The following MAPKAP1 variants were observed in gnomAD, a reference collection of about 807,000 sequenced individuals.
MAPKAP1 encodes target of rapamycin complex 2 subunit MAPKAP1.
A neutral mutation model predicts 65.7 loss-of-function variants in MAPKAP1; 20 were observed. The ratio of observed to expected loss-of-function variants is 0.30; its 90% confidence interval spans 0.21 to 0.44. The LOEUF is 0.44. MAPKAP1 is among the 20% of genes least tolerant of loss of function. The pLI, the probability that MAPKAP1 is intolerant of heterozygous loss-of-function variation, is 1.00. For missense variants in MAPKAP1, 423 were observed against 648.0 expected, an observed-to-expected ratio of 0.65 and a Z score of 3.77; for synonymous variants, 222 against 244.3, an observed-to-expected ratio of 0.91 and a Z score of 0.85.
At chr9:125,646,896 CA>C (rs1463505637) in intron 4 of MAPKAP1, among the ~76,000 whole-genome samples, 2 of 152,184 alleles carry the variant, frequency 1.3e-5, no homozygotes, top group Admixed American at 1.3e-4. Context: ...TATTTTAATT[CA>C]ATCTGGCCCT....
At chr9:125,486,560 G>A (rs1854505453) in intron 8 of MAPKAP1, among the ~76,000 whole-genome samples, 1 of 152,172 alleles carries the variant, frequency 6.6e-6, no homozygotes, top group Non-Finnish European at 1.5e-5. Context: ...TACTGCTTAC[G>A]GGGCAAGTAT....
chr9:125,560,856 C>T (rs972718258), intron 5 of MAPKAP1, among the ~76,000 whole-genome samples: 1 of 152,184 alleles, frequency 6.6e-6, no homozygotes, highest in Non-Finnish European at 1.5e-5. Context: ...TGCAGTCTTG[C>T]CCAGTTTAGA....
chr9:125,679,451 G>C (rs1035216952), intron 1 of MAPKAP1, among the ~76,000 whole-genome samples: 1 of 152,086 alleles, frequency 6.6e-6, no homozygotes, highest in Non-Finnish European at 1.5e-5. Flanking sequence ...AACAGTGCTT[G>C]TACAACAGCA....
intron 4 of MAPKAP1, among the ~76,000 whole-genome samples, chr9:125,652,479 C>A (rs917394968): frequency 6.6e-6 from 1 of 152,136 alleles, no homozygotes; most frequent in South Asian, 2.1e-4. Context: ...GCAATTAGCA[C>A]TCATGAATTA....
chr9:125,548,656 T>C (rs1313622302), intron 6 of MAPKAP1, among the ~76,000 whole-genome samples: 2 of 152,176 alleles, frequency 1.3e-5, no homozygotes, highest in African/African-American at 4.8e-5. Flanking sequence ...ATCTGTCATA[T>C]AATAAATGCT....
At chr9:125,538,426 G>C (rs112513022) in intron 7 of MAPKAP1, among the ~76,000 whole-genome samples, 2 of 152,194 alleles carry the variant, frequency 1.3e-5, no homozygotes, top group East Asian at 1.9e-4. Context: ...AAAAATTCAA[G>C]ACTGACAGCT....
chr9:125,455,087 T>C (rs1589204518), intron 10 of MAPKAP1, among the ~76,000 whole-genome samples: 1 of 152,062 alleles, frequency 6.6e-6, no homozygotes, highest in Non-Finnish European at 1.5e-5. Flanking sequence ...AACATAGACA[T>C]TTAAGTGCCT....
chr9:125,580,267 CAA>C (rs1264098573), intron 5 of MAPKAP1, among the ~76,000 whole-genome samples: 1 of 152,138 alleles, frequency 6.6e-6, no homozygotes, highest in Non-Finnish European at 1.5e-5. Flanking sequence ...TTCACAATAG[CAA>C]AGACTTGGAA....
intron 4 of MAPKAP1, chr9:125,652,228 C>T (rs866905278): frequency 7.7e-7 from 1 of 1,303,794 alleles, no homozygotes; most frequent in African/African-American, 1.5e-5. Flanking sequence ...AACATTTGTT[C>T]ATAATTATCC....
At position 125,545,597 on chromosome 9, in the gene MAPKAP1, T is replaced by G. The variant is rs551158780; in HGVS notation, c.849-2429A>C. On this transcript the variant is annotated intron_variant, in intron 6 of 11. Transcript: ENST00000265960. ...TCAGTCTGCTTAGAAACTGCTTACG[T>G]TCCCTCCTAATCTGCTGCCGGCTGA... 2.5e-3 allele frequency among the ~76,000 whole-genome samples: 381 copies of G among 152,130 alleles called. 2 individuals are homozygous for G. Among genetic ancestry groups the G allele is most frequent in the South Asian group, 5.6e-3 (27 of 4,794 alleles).
chr9:125,443,598 C>G (rs565687695), intron 11 of MAPKAP1, among the ~76,000 whole-genome samples: 1 of 152,252 alleles, frequency 6.6e-6, no homozygotes, highest in South Asian at 2.1e-4. Context: ...CCTCCCAAAT[C>G]CGCAAGACCC....
At chr9:125,701,975 GAAC>G (rs1275217767) in intron 1 of MAPKAP1, among the ~76,000 whole-genome samples, 3 of 152,172 alleles carry the variant, frequency 2.0e-5, no homozygotes, top group African/African-American at 7.2e-5. Flanking sequence ...TTCCTGCTCT[GAAC>G]AACAGGTACC....
At chr9:125,540,955 T>C (rs1830228140) in intron 7 of MAPKAP1, among the ~76,000 whole-genome samples, 1 of 152,234 alleles carries the variant, frequency 6.6e-6, no homozygotes, top group Admixed American at 6.5e-5. Context: ...CAAATATCTT[T>C]ACCAAACTGG....
intron 9 of MAPKAP1, chr9:125,471,369 G>A (rs554248445): frequency 1.1e-3 from 171 of 153,128 alleles, no homozygotes; most frequent in Non-Finnish European, 2.0e-3. Flanking sequence ...AGAGATCAGT[G>A]AGGAAGCAGG....
At chr9:125,498,370 G>A (rs1235396005) in intron 8 of MAPKAP1, among the ~76,000 whole-genome samples, 4 of 152,162 alleles carry the variant, frequency 2.6e-5, no homozygotes, top group African/African-American at 9.7e-5. Flanking sequence ...TAAAATTTTG[G>A]TCTTATCACT....
At chr9:125,543,854 G>C (rs1233446997) in intron 6 of MAPKAP1, among the ~76,000 whole-genome samples, 1 of 152,092 alleles carries the variant, frequency 6.6e-6, no homozygotes, top group Non-Finnish European at 1.5e-5. Context: ...AACTTGGCTT[G>C]TGTCAGTAGA....
chr9:125,697,819 AACCATCTT>A (rs979984962), intron 1 of MAPKAP1, among the ~76,000 whole-genome samples: 8 of 152,190 alleles, frequency 5.3e-5, no homozygotes, highest in East Asian at 1.9e-4. Context: ...CAATATGAGT[AACCATCTT>A]ACCATCTTAC....
intron 4 of MAPKAP1, among the ~76,000 whole-genome samples, chr9:125,640,399 G>A (rs1047222560): frequency 6.6e-6 from 1 of 151,718 alleles, no homozygotes. Flanking sequence ...CACCATGCCC[G>A]GCCACATTCT....
chr9:125,595,823 C>T lies in MAPKAP1; in HGVS notation c.499-10096G>A, dbSNP rs1832107863. On this transcript the variant is annotated intron_variant, in intron 4 of 11. Coordinates refer to ENST00000265960, the MANE Select transcript of MAPKAP1 (RefSeq NM_001006617.3). This position sits in a 1 kb window ranked among gnomAD's most constrained non-coding sequence, Gnocchi z 4.0. ...GGTAATGAAAGATTCCAACACCAAG[C>T]GTTCCGGGGGTTTTGGGTTTGTCAC... is the stretch of plus-strand genomic sequence containing the variant. 1.8e-5 allele frequency: 20 copies of T among 1,126,652 alleles called. No homozygotes were observed. The highest frequency in any genetic ancestry group is 2.4e-5 in the Non-Finnish European group (18 of 751,794). 69.8% of individuals were successfully genotyped at this position (1,126,652 alleles called of 1,614,324 possible).
Sources: gnomAD v4.1 joint callset for allele counts (sites outside exome capture counted in the v4.1 genomes callset) on GRCh38, gnomAD v4.1.1 for gene constraint, Gnocchi (gnomAD v3.1) non-coding constraint, MANE v1.5 for transcripts, NCBI Gene and HGNC (gene_info 2026-07-23, HGNC 2026-07-21) for gene names.